MAD1L1: variants seen among roughly 807,000 people sequenced by gnomAD.
MAD1L1 encodes the protein mitotic arrest deficient 1 like 1, also known as mitotic spindle assembly checkpoint protein MAD1.
MAD1L1 carries 95 observed loss-of-function variants against 96.9 expected under a neutral mutation model. The observed-to-expected ratio is 0.98, with a 90% CI of 0.83 to 1.16. MAD1L1 has a LOEUF of 1.16. Ranked by LOEUF, MAD1L1 falls within the 50% of genes most tolerant of loss-of-function variation. The pLI, the probability that MAD1L1 is intolerant of heterozygous loss-of-function variation, is 0.00. For synonymous variants in MAD1L1, 473 were observed against 396.6 expected (o/e 1.19, Z -2.29); for missense variants, 1,007 against 954.4 (o/e 1.06, Z -0.73).
At position 1,830,396 on chromosome 7, in the gene MAD1L1, CA is replaced by C. The variant is rs1338041491; in HGVS notation, c.1999-14169del. ...TGGGCGACAGAGTGAGACTCTGTCTCAAAAAAAATAAATAAAAATAAAAACA... is the reference window on the plus strand; with the variant it reads ...TGGGCGACAGAGTGAGACTCTGTCTCAAAAAAATAAATAAAAATAAAAACA... On this transcript the variant is annotated intron_variant, in intron 18 of 18. Coordinates refer to ENST00000265854, the MANE Select transcript of MAD1L1 (RefSeq NM_001013836.2). Among the ~76,000 whole-genome samples, 3 of 148,510 alleles carry C rather than the reference CA, an allele frequency of 2.0e-5. No individual in the cohort carries two copies. In the East Asian group the frequency reaches 5.9e-4, roughly 29 times the overall value.
chr7:1,853,839 A>G (rs1394807096), intron 18 of MAD1L1, among the ~76,000 whole-genome samples: 1 of 152,086 alleles, frequency 6.6e-6, no homozygotes, highest in Non-Finnish European at 1.5e-5. Context: ...GTGGCCGAGC[A>G]GGGGAGGACC....
chr7:1,901,104 C>T (rs987538522), intron 17 of MAD1L1, among the ~76,000 whole-genome samples: 2 of 152,098 alleles, frequency 1.3e-5, no homozygotes, highest in Non-Finnish European at 2.9e-5. Flanking sequence ...ATCCTGGTCT[C>T]CTGTCCACGT....
In MAD1L1 at chr7:2,146,948, C is replaced by T. The variant is rs769178729; in HGVS notation, c.1073+2204G>A. On this transcript the variant is annotated intron_variant, in intron 11 of 18. Coordinates refer to ENST00000265854, the MANE Select transcript of MAD1L1 (RefSeq NM_001013836.2). This position sits in a 1 kb window ranked among gnomAD's most constrained non-coding sequence, Gnocchi z 6.2. The stretch of plus-strand genomic sequence containing the variant: ...AAGGCCACGACGGGACTCATCCACA[C>T]CTCATTGGCCACTGCCAGCGCTGCC... Among the ~76,000 whole-genome samples, 34 of 152,210 alleles carry T rather than the reference C, an allele frequency of 2.2e-4. No homozygotes were observed. The highest frequency in any genetic ancestry group is 8.8e-5 in the Non-Finnish European group (6 of 68,028).
intron 11 of MAD1L1, among the ~76,000 whole-genome samples, chr7:2,108,121 T>G (rs1311337081): frequency 6.6e-6 from 1 of 152,228 alleles, no homozygotes; most frequent in Non-Finnish European, 1.5e-5. Context: ...ATTTTCATTA[T>G]GTACGATAAC....
intron 15 of MAD1L1, among the ~76,000 whole-genome samples, chr7:1,962,545 A>G (rs1270053242): frequency 6.6e-6 from 1 of 152,258 alleles, no homozygotes; most frequent in African/African-American, 2.4e-5. Flanking sequence ...ATATTTGGAA[A>G]GCAAATAATC....
chr7:1,994,741 T>A (rs1233904071), intron 14 of MAD1L1, among the ~76,000 whole-genome samples: 3 of 152,142 alleles, frequency 2.0e-5, no homozygotes, highest in Non-Finnish European at 4.4e-5. Flanking sequence ...GAGGGCGCCA[T>A]CTGGAACCAG....
intron 12 of MAD1L1, among the ~76,000 whole-genome samples, chr7:2,066,461 C>T (rs1730801621): frequency 6.6e-6 from 1 of 152,256 alleles, no homozygotes; most frequent in Admixed American, 6.5e-5. Flanking sequence ...GGATAAACAA[C>T]CAGTCCATGC....
At chr7:1,992,379 T>C (rs1399679314) in intron 14 of MAD1L1, among the ~76,000 whole-genome samples, 1 of 152,222 alleles carries the variant, frequency 6.6e-6, no homozygotes, top group African/African-American at 2.4e-5. Flanking sequence ...TTGTTAACGC[T>C]GGGGAAGGGG....
At chr7:1,910,841 C>A (rs1185574773) in intron 17 of MAD1L1, among the ~76,000 whole-genome samples, 3 of 152,174 alleles carry the variant, frequency 2.0e-5, no homozygotes, top group Non-Finnish European at 4.4e-5. Flanking sequence ...GATGGGGAAA[C>A]CGACGATGAG....
At chr7:2,126,174 G>A (rs748568600) in intron 11 of MAD1L1, among the ~76,000 whole-genome samples, 1 of 152,230 alleles carries the variant, frequency 6.6e-6, no homozygotes, top group Non-Finnish European at 1.5e-5. Context: ...TTCCTGCAAA[G>A]ACCGGGCAGG....
At chr7:1,857,816 A>G (rs1392409656) in intron 18 of MAD1L1, among the ~76,000 whole-genome samples, 4 of 152,194 alleles carry the variant, frequency 2.6e-5, no homozygotes, top group African/African-American at 9.6e-5. Flanking sequence ...TGTCCCAGCC[A>G]GTCCTTGTCT....
chr7:1,914,356 T>G (rs1019199321), intron 17 of MAD1L1, among the ~76,000 whole-genome samples: 3 of 152,182 alleles, frequency 2.0e-5, no homozygotes, highest in African/African-American at 2.4e-5. Flanking sequence ...ATTATCCTGG[T>G]GGCCCGCTAC....
At chr7:1,942,710 C>T (rs926865872) in intron 16 of MAD1L1, among the ~76,000 whole-genome samples, 2 of 152,204 alleles carry the variant, frequency 1.3e-5, no homozygotes, top group African/African-American at 4.8e-5. Flanking sequence ...GGACCAGAGA[C>T]TCCCAGGGCT....
intron 14 of MAD1L1, among the ~76,000 whole-genome samples, chr7:1,996,293 G>C (rs5022937): frequency 0.86 from 24,070 of 27,982 alleles, 10,475 homozygotes; most frequent in Admixed American, 0.91. Flanking sequence ...ACACACGGCT[G>C]CTGGGCGGGC....
chr7:1,988,217 G>A (rs1172323186), intron 14 of MAD1L1, among the ~76,000 whole-genome samples: 2 of 152,188 alleles, frequency 1.3e-5, no homozygotes, highest in African/African-American at 2.4e-5. Flanking sequence ...CTGACATGGC[G>A]GAGGGCCCAT....
chr7:1,947,429 G>A (rs925751428), intron 16 of MAD1L1, among the ~76,000 whole-genome samples: 1 of 152,266 alleles, frequency 6.6e-6, no homozygotes, highest in South Asian at 2.1e-4. Flanking sequence ...TAGATCGTCC[G>A]GCGTCAAAAT....
chr7:2,177,366 C>G (rs529076702), intron 10 of MAD1L1, among the ~76,000 whole-genome samples: 10 of 152,336 alleles, frequency 6.6e-5, no homozygotes, highest in African/African-American at 2.4e-4. Flanking sequence ...ATGGTTCACT[C>G]TATCTCAGAC....
chr7:2,068,893 G>A (rs1395622753), intron 12 of MAD1L1, among the ~76,000 whole-genome samples: 1 of 152,214 alleles, frequency 6.6e-6, no homozygotes, highest in Admixed American at 6.5e-5. Flanking sequence ...GTGGGAGCCT[G>A]CAGGGGGTCC....
chr7:1,920,886 T>C (rs1788748114), intron 17 of MAD1L1, among the ~76,000 whole-genome samples: 1 of 152,064 alleles, frequency 6.6e-6, no homozygotes. Flanking sequence ...CTTCATTGAC[T>C]GAATAAAAAA....
Sources: allele counts gnomAD v4.1 joint callset (sites outside exome capture counted in the v4.1 genomes callset), GRCh38; gene constraint gnomAD v4.1.1; non-coding constraint Gnocchi (gnomAD v3.1); transcripts MANE v1.5; gene names NCBI Gene and HGNC (gene_info 2026-07-23, HGNC 2026-07-21).